CTDP1: variants seen among roughly 807,000 people sequenced by gnomAD.
CTDP1 encodes RNA polymerase II subunit A C-terminal domain phosphatase.
In CTDP1, 47 loss-of-function variants were observed where a neutral mutation model predicts 91.8. The ratio of observed to expected loss-of-function variants is 0.51; its 90% CI spans 0.41 to 0.65. The LOEUF (loss-of-function observed/expected upper bound fraction) is 0.65. Ranked by LOEUF, CTDP1 falls within the 30% of genes least tolerant of loss-of-function variation. The pLI, the probability that CTDP1 is intolerant of heterozygous loss-of-function variation, is 0.00. For synonymous variants in CTDP1, 656 were observed against 598.5 expected, an observed-to-expected ratio of 1.10 and a Z score of -1.40; for missense variants, 1,272 against 1,373.7, an observed-to-expected ratio of 0.93 and a Z score of 1.17.
rs2085317863 is a variant in CTDP1, at chr18:79,679,889, G to A, written c.-59G>A. ...CCTGGGTTGTGTCGCCGCGGTAGGC[G>A]CTGCGCTCTGAGCGCAGCGCAGGCC... On this transcript the variant is annotated 5_prime_UTR_variant, in exon 1 of 13. Transcript: ENST00000613122. 2.3e-6 allele frequency: 3 copies of A among 1,332,982 alleles called. No individual in the cohort carries two copies. Among genetic ancestry groups the A allele is most frequent in the Non-Finnish European group, 1.9e-6 (2 of 1,033,484 alleles). 82.6% of individuals were successfully genotyped at this position (1,332,982 alleles called of 1,614,324 possible). A position where few individuals can be genotyped will look rare whatever the true frequency, so the allele number is the denominator to read the frequency against.
chr18:79,720,867 G>T (rs1163553235), intron 10 of CTDP1, among the ~76,000 whole-genome samples: 1 of 152,188 alleles, frequency 6.6e-6, no homozygotes, highest in Non-Finnish European at 1.5e-5. Flanking sequence ...TCACTGTCCA[G>T]CTTGGCCACA....
At chr18:79,735,989 C>A in intron 11 of CTDP1, 1 of 261,536 alleles carries the variant, frequency 3.8e-6, no homozygotes, top group Non-Finnish European at 7.6e-6. Flanking sequence ...CCCTGCCACT[C>A]AGGAGTCTTG....
chr18:79,733,083 T>C (rs1293342924), intron 11 of CTDP1, among the ~76,000 whole-genome samples: 1 of 152,202 alleles, frequency 6.6e-6, no homozygotes, highest in African/African-American at 2.4e-5. Context: ...GGTGACTGTG[T>C]GTGAATAGCA....
intron 5 of CTDP1, among the ~76,000 whole-genome samples, chr18:79,708,596 A>T (rs545048644): frequency 6.6e-6 from 1 of 152,182 alleles, no homozygotes; most frequent in African/African-American, 2.4e-5. Context: ...TTAAGTCTTG[A>T]GAGAATGTGG....
chr18:79,749,547 G>A (rs538652716), intron 12 of CTDP1, among the ~76,000 whole-genome samples: 2 of 149,590 alleles, frequency 1.3e-5, no homozygotes, highest in South Asian at 4.3e-4. Flanking sequence ...TGGACTTGGT[G>A]ACCGTCCCGA....
In CTDP1 at chr18:79,704,838, C is replaced by T. The variant is rs897999407; in HGVS notation, c.693C>T (p.Asp231=). 1.2e-6 allele frequency: 2 copies of T among 1,614,110 alleles called. No individual in the cohort carries two copies. The highest frequency in any genetic ancestry group is 1.7e-6 in the Non-Finnish European group (2 of 1,180,042). The stretch of plus-strand genomic sequence containing the variant: ...CGCGCCTGCGTCCACACTGCAAGGA[C>T]TTCCTGGAGAAGATCGCCAAGCTGT... The part of the protein sequence containing the change: ...LHTRLRPHCK[D]FLEKIAKLYE... Residue 231 remains aspartate (D), a synonymous_variant, in exon 5 of 13, where the codon GAC becomes GAT. Transcript: ENST00000613122.
Position 79,679,844 on chromosome 18 carries a change from G to T in CTDP1, c.-104G>T, listed in dbSNP as rs56006341. On this transcript the variant is annotated 5_prime_UTR_variant, in exon 1 of 13. Coordinates refer to ENST00000613122, the MANE Select transcript of CTDP1 (RefSeq NM_004715.5). ...GGCGACGGGTGGAAGCCGGTACCGA[G>T]AGGAACTACAGCGTCGCCGCCTGGG... is the stretch of plus-strand genomic sequence containing the variant. 0.37 allele frequency: 407,778 copies of T among 1,111,442 alleles called. 78,371 individuals carry two copies. The highest frequency in any genetic ancestry group is 0.41 in the East Asian group (12,308 of 29,690). The allele number at this position is 1,111,442 out of a possible 1,614,324, so 68.8% of individuals were successfully genotyped here.
chr18:79,692,788 G>T (rs2085652035), intron 1 of CTDP1, among the ~76,000 whole-genome samples: 1 of 152,224 alleles, frequency 6.6e-6, no homozygotes, highest in Non-Finnish European at 1.5e-5. Flanking sequence ...TGAGGAGCCT[G>T]CCATGAGCTG....
Position 79,713,005 on chromosome 18 carries a change from C to A in CTDP1, c.897C>A (p.Cys299Ter). The A allele has an allele frequency of 6.2e-7, 1 of 1,614,068 alleles. No individual in the cohort carries two copies. The highest frequency in any genetic ancestry group is 8.5e-7 in the Non-Finnish European group (1 of 1,179,990). Residue 299 changes from cysteine (C) to a stop codon, truncating the protein, a stop_gained, in exon 7 of 13, where the codon TGC (cysteine) becomes TGA (stop). Transcript: ENST00000613122. LOFTEE classifies it high-confidence loss of function. The surrounding 1 kb of genome is among the most constrained non-coding windows in gnomAD (Gnocchi z 4.7). ...TTCCTTGTGGAGACTCAATGGTTTGCATTATTGATGATCGAGAAGATGTCT... is the reference window on the plus strand; with the variant it reads ...TTCCTTGTGGAGACTCAATGGTTTGAATTATTGATGATCGAGAAGATGTCT... ...NLFPCGDSMV[C>*]IIDDREDVWK...
chr18:79,695,261 G>C lies in CTDP1; in HGVS notation c.351G>C (p.Pro117=), dbSNP rs139441883. The change falls in exon 2 of 13, where the codon CCG becomes CCC. Residue 117 remains proline, a synonymous_variant. Transcript: ENST00000613122. ...VLVRLEGCSH[P]VVMKGLCAEC... ...TGAGGTTGGAAGGATGCAGCCACCCGGTTGTCATGAAAGGCCTGTGTGCTG... is the reference window on the plus strand; with the variant it reads ...TGAGGTTGGAAGGATGCAGCCACCCCGTTGTCATGAAAGGCCTGTGTGCTG... The C allele has an allele frequency of 6.2e-7, 1 of 1,614,140 alleles. No homozygotes were observed. Among genetic ancestry groups the C allele is most frequent in the East Asian group, 2.2e-5 (1 of 44,890 alleles).
At chr18:79,699,554 C>T (rs749256368) in intron 4 of CTDP1, among the ~76,000 whole-genome samples, 2 of 151,970 alleles carry the variant, frequency 1.3e-5, no homozygotes, top group Non-Finnish European at 2.9e-5. Flanking sequence ...TGAGCCACCG[C>T]GCCCGCCCAA....
At chr18:79,723,257 CATCCCGTCTCACAGTGG>C (rs1207313150) in intron 10 of CTDP1, among the ~76,000 whole-genome samples, 3 of 151,902 alleles carry the variant, frequency 2.0e-5, no homozygotes, top group Admixed American at 2.0e-4. Context: ...TCCCCCATGG[CATCCCGTCTCACAGTGG>C]GTCCCGTGCC....
intron 5 of CTDP1, among the ~76,000 whole-genome samples, 175 bp downstream of exon 5, chr18:79,705,092 C>G (rs1162273614): frequency 3.9e-5 from 6 of 152,158 alleles, no homozygotes; most frequent in Non-Finnish European, 8.8e-5. Flanking sequence ...GCCACCAGGG[C>G]TGTTGGGTGG....
Position 79,715,141 on chromosome 18 carries a change from A to G in CTDP1, c.1681A>G (p.Ser561Gly). Reference protein sequence around the residue: ...RKEAETESQNSELSGVTAGES... With the variant: ...RKEAETESQNGELSGVTAGES... Reference sequence around the variant, plus strand: ...GGAGGCGGAGACCGAGTCACAGAACAGCGAGCTGTCGGGGGTCACTGCGGG... The same window carrying G: ...GGAGGCGGAGACCGAGTCACAGAACGGCGAGCTGTCGGGGGTCACTGCGGG... The change falls in exon 8 of 13, where the codon AGC (serine) becomes GGC (glycine). Residue 561 changes from serine (S) to glycine (G), a missense_variant. Coordinates refer to ENST00000613122, the MANE Select transcript of CTDP1 (RefSeq NM_004715.5). 6.2e-7 allele frequency: 1 copy of G among 1,613,620 alleles called. No individual in the cohort carries two copies. Among genetic ancestry groups the G allele is most frequent in the Non-Finnish European group, 8.5e-7 (1 of 1,179,972 alleles).
intron 1 of CTDP1, among the ~76,000 whole-genome samples, chr18:79,694,998 GA>G (rs1256787081): frequency 1.4e-4 from 21 of 152,302 alleles, no homozygotes; most frequent in African/African-American, 5.1e-4. Context: ...CGGGGGTGGT[GA>G]GGTGTGGTGG....
At position 79,723,607 on chromosome 18, in the gene CTDP1, A is replaced by G. The variant is rs553005221; in HGVS notation, c.2418-5300A>G. Among the ~76,000 whole-genome samples, 3 of 152,176 alleles carry G rather than the reference A, an allele frequency of 2.0e-5. No homozygotes were observed. In the South Asian group the frequency reaches 6.2e-4, roughly 32 times the overall value. On this transcript the variant is annotated intron_variant, in intron 10 of 12. Coordinates refer to ENST00000613122, the MANE Select transcript of CTDP1 (RefSeq NM_004715.5). ...TGGTTAGACTTTTTGAGATATTTGT[A>G]GATATATATGCAGTGATAATGCAGA...
intron 7 of CTDP1, 145 bp from the exon 8 acceptor site, chr18:79,714,346 G>A (rs913373273): frequency 4.3e-5 from 38 of 884,468 alleles, no homozygotes; most frequent in South Asian, 2.0e-4. Flanking sequence ...CACCCTGTCC[G>A]GCCTCTTCAC....
chr18:79,716,797 C>T (rs1030899704), intron 8 of CTDP1, among the ~76,000 whole-genome samples: 2 of 152,262 alleles, frequency 1.3e-5, no homozygotes, highest in South Asian at 2.1e-4. Flanking sequence ...CTTCTGTGTA[C>T]GTGGCCTCAC....
rs1568215689 is a variant in CTDP1 at position 79,739,852 on chromosome 18, T to TTGCTCCCTGCCTGCAC, written c.2747+3331_2747+3332insTGCTCCCTGCCTGCAC. ...CCCACGGCCGGGACGGGTGGGACTCTCATACCCACGGCCGGGACGGGTGGG... is the reference window on the plus strand; with the variant it reads ...CCCACGGCCGGGACGGGTGGGACTCTTGCTCCCTGCCTGCACCATACCCACGGCCGGGACGGGTGGG... On this transcript the variant is annotated intron_variant, in intron 12 of 12. Transcript: ENST00000613122. Among the ~76,000 whole-genome samples the TTGCTCCCTGCCTGCAC allele has an allele frequency of 1.5e-3, 92 of 60,780 alleles. 4 individuals are homozygous for TTGCTCCCTGCCTGCAC. Among genetic ancestry groups the TTGCTCCCTGCCTGCAC allele is most frequent in the Admixed American group, 2.2e-3 (12 of 5,506 alleles). 39.9% of individuals were successfully genotyped at this position (60,780 alleles called of 152,430 possible).
Sources: gnomAD v4.1 joint callset for allele counts (sites outside exome capture counted in the v4.1 genomes callset) on GRCh38, gnomAD v4.1.1 for gene constraint, Gnocchi (gnomAD v3.1) non-coding constraint, MANE v1.5 for transcripts, NCBI Gene and HGNC (gene_info 2026-07-23, HGNC 2026-07-21) for gene names.